TWNK: variants seen among roughly 807,000 people sequenced by gnomAD.
TWNK encodes twinkle mtDNA helicase, also known as T7 gp4-like protein with intramitochondrial nucleoid localization.
TWNK carries 36 observed loss-of-function variants against 58.2 expected under a neutral mutation model. That is an observed-to-expected ratio of 0.62 (90% CI 0.47 to 0.82). TWNK has a LOEUF of 0.82. TWNK is among the 40% of genes least tolerant of loss of function. The pLI, the probability that TWNK is intolerant of heterozygous loss-of-function variation, is 0.00. For synonymous variants in TWNK, 349 were observed against 348.5 expected, an observed-to-expected ratio of 1.00 and a Z score of -0.02; for missense variants, 714 against 881.0, an observed-to-expected ratio of 0.81 and a Z score of 2.40.
In TWNK at chr10:100,988,677, G is replaced by C; in HGVS notation, c.467G>C (p.Arg156Thr). 6.2e-7 allele frequency: 1 copy of C among 1,614,110 alleles called. No homozygotes were observed. Among genetic ancestry groups the C allele is most frequent in the Non-Finnish European group, 8.5e-7 (1 of 1,180,008 alleles). Reference sequence around the variant, plus strand: ...TTTGAGGACAGCGAGGAGGTCCGGAGGATCTGGAACCGAGCAATACCTCTC... The same window carrying C: ...TTTGAGGACAGCGAGGAGGTCCGGACGATCTGGAACCGAGCAATACCTCTC... ...PEFEDSEEVR[R>T]IWNRAIPLWE... is the part of the protein sequence containing the mutation. Residue 156 changes from arginine (R) to threonine (T), a missense_variant, in exon 1 of 5, where the codon AGG becomes ACG. Physicochemically the swap from Arg to Thr is moderately conservative, Grantham distance 71. Coordinates refer to ENST00000311916, the MANE Select transcript of TWNK (RefSeq NM_021830.5). The surrounding 1 kb of genome is among the most constrained non-coding windows in gnomAD (Gnocchi z 5.2).
At chr10:100,990,367 G>A in intron 2 of TWNK, 69 bp from the exon 3 acceptor site, 1 of 1,104,730 alleles carries the variant, frequency 9.1e-7, no homozygotes, top group Non-Finnish European at 1.4e-6. Flanking sequence ...GAGTTTTCAG[G>A]ATGCTAGTTC....
chr10:100,987,705 G>A lies in TWNK; in HGVS notation c.-506G>A, dbSNP rs191636076. 8.9e-5 allele frequency: 53 copies of A among 592,578 alleles called. No homozygotes were observed. Among genetic ancestry groups the A allele is most frequent in the Middle Eastern group, 4.5e-4 (1 of 2,238 alleles). 36.7% of individuals were successfully genotyped at this position (592,578 alleles called of 1,614,324 possible). ...AGGATAGAGACTGGCATTCCTTTGGGCCGGGGGATTGGCGGGAGTCGTGCT... is the reference window on the plus strand; with the variant it reads ...AGGATAGAGACTGGCATTCCTTTGGACCGGGGGATTGGCGGGAGTCGTGCT... On this transcript the variant is annotated 5_prime_UTR_variant, in exon 1 of 5. Coordinates refer to ENST00000311916, the MANE Select transcript of TWNK (RefSeq NM_021830.5).
At position 100,988,095 on chromosome 10, in the gene TWNK, C is replaced by T; in HGVS notation, c.-116C>T. The T allele has an allele frequency of 1.7e-6, 2 of 1,193,568 alleles. No individual in the cohort carries two copies. The highest frequency in any genetic ancestry group is 2.5e-6 in the Non-Finnish European group (2 of 801,062). 73.9% of individuals were successfully genotyped at this position (1,193,568 alleles called of 1,614,324 possible). On this transcript the variant is annotated 5_prime_UTR_variant, in exon 1 of 5. Coordinates refer to ENST00000311916, the MANE Select transcript of TWNK (RefSeq NM_021830.5). The surrounding 1 kb of genome is among the most constrained non-coding windows in gnomAD (Gnocchi z 5.2). The stretch of plus-strand genomic sequence containing the variant: ...AAATTCATGGAGAGAAAGAATGCAC[C>T]TAGAGTGAGCTCTGCAGAGTGCTGC...
In TWNK at chr10:100,988,532, A is replaced by G. The variant is rs1851651546; in HGVS notation, c.322A>G (p.Thr108Ala). Residue 108 changes from threonine to alanine, a missense_variant, in exon 1 of 5, where the codon ACA becomes GCA. By Grantham distance (58) the Thr-to-Ala change is moderately conservative. Transcript: ENST00000311916. This position sits in a 1 kb window ranked among gnomAD's most constrained non-coding sequence, Gnocchi z 5.2. ...TSFSLFIDKT[T>A]GHFLCMTSLA... Reference sequence around the variant, plus strand: ...CTTCAGCCTCTTCATTGACAAGACCACAGGCCACTTTCTCTGCATGACCAG... The same window carrying G: ...CTTCAGCCTCTTCATTGACAAGACCGCAGGCCACTTTCTCTGCATGACCAG... 2 of 1,614,012 alleles carry G rather than the reference A, an allele frequency of 1.2e-6. No homozygotes were observed. The highest frequency in any genetic ancestry group is 2.2e-5 in the South Asian group (2 of 91,092).
chr10:100,990,828 T>C (rs1030917229), intron 3 of TWNK, 41 bp from the exon 4 acceptor site: 3 of 1,610,886 alleles, frequency 1.9e-6, no homozygotes, highest in Non-Finnish European at 2.5e-6. Flanking sequence ...TTCTTGTCCT[T>C]CTGTGTCTGA....
At chr10:100,990,286 C>T in intron 2 of TWNK, 150 bp from the exon 3 acceptor site, 1 of 743,708 alleles carries the variant, frequency 1.3e-6, no homozygotes, top group Non-Finnish European at 2.4e-6. Context: ...GCACTCCAGC[C>T]TGGGCTACAG....
At chr10:100,991,965 G>A (rs576035090) in intron 4 of TWNK, among the ~76,000 whole-genome samples, 26 of 150,580 alleles carry the variant, frequency 1.7e-4, no homozygotes, top group Non-Finnish European at 2.7e-4. Flanking sequence ...TGCAGTGAGC[G>A]GAGATCGCGC....
In TWNK at chr10:100,989,547, G is replaced by A. The variant is rs906764567; in HGVS notation, c.1243+94G>A. The A allele has an allele frequency of 9.3e-6, 15 of 1,609,246 alleles. No individual in the cohort carries two copies. The African/African-American group carries it at 1.6e-4, about 17-fold the overall frequency. ...TGGGCCATGACAATGTTGAAAAGAA[G>A]GTTGGCCCTTTCCCCCCAGTTTTAA... On this transcript the variant is annotated intron_variant, in intron 1 of 4. Coordinates refer to ENST00000311916, the MANE Select transcript of TWNK (RefSeq NM_021830.5). This position sits in a 1 kb window ranked among gnomAD's most constrained non-coding sequence, Gnocchi z 7.6.
At position 100,993,378 on chromosome 10, in the gene TWNK, C is replaced by G; in HGVS notation, c.1923C>G (p.Ile641Met). ...PPKNKARLKK[I>M]KDDTGPVAKK... ...AGAACAAGGCCCGGCTCAAGAAGAT[C>G]AAGGATGACACTGGACCAGTGGCCA... is the stretch of plus-strand genomic sequence containing the variant. The change falls in exon 5 of 5, where the codon ATC (isoleucine) becomes ATG (methionine). Residue 641 changes from isoleucine (I) to methionine (M), a missense_variant. Physicochemically the swap from Ile to Met is conservative, Grantham distance 10. Coordinates refer to ENST00000311916, the MANE Select transcript of TWNK (RefSeq NM_021830.5). 1 of 1,614,202 alleles carries G rather than the reference C, an allele frequency of 6.2e-7. No homozygotes were observed. The highest frequency in any genetic ancestry group is 2.2e-5 in the East Asian group (1 of 44,888).
In TWNK at chr10:100,992,274, C is replaced by T. The variant is rs551269723; in HGVS notation, c.1735-916C>T. ...TGTCACCCAGGCTGGAGTGCAGTGG[C>T]GCGATCTCGGCTCACTGCAAGCTCC... On this transcript the variant is annotated intron_variant, in intron 4 of 4. Transcript: ENST00000311916. Among the ~76,000 whole-genome samples, 29 of 117,452 alleles carry T rather than the reference C, an allele frequency of 2.5e-4. 1 individual carries two copies. Among genetic ancestry groups the T allele is most frequent in the Admixed American group, 4.4e-4 (4 of 9,146 alleles). 77.1% of individuals were successfully genotyped at this position (117,452 alleles called of 152,430 possible). A position where few individuals can be genotyped will look rare whatever the true frequency, so the allele number is the denominator to read the frequency against.
At chr10:100,990,807 G>A in intron 3 of TWNK, 62 bp from the exon 4 acceptor site, 1 of 1,595,850 alleles carries the variant, frequency 6.3e-7, no homozygotes, top group Non-Finnish European at 8.6e-7. Flanking sequence ...TGGATCAAGA[G>A]TATGTGTATG....
At position 100,989,502 on chromosome 10, in the gene TWNK, G is replaced by T; in HGVS notation, c.1243+49G>T. ...TTAGAGTAAAGGGGCAGAAGATCAG[G>T]TGACAAAAGCAAGTGGGTTTGGGCC... On this transcript the variant is annotated intron_variant, in intron 1 of 4. Transcript: ENST00000311916. The surrounding 1 kb of genome is among the most constrained non-coding windows in gnomAD (Gnocchi z 7.6). 6.2e-7 allele frequency: 1 copy of T among 1,611,020 alleles called. No homozygotes were observed. The highest frequency in any genetic ancestry group is 8.5e-7 in the Non-Finnish European group (1 of 1,179,592).
rs1554887812 is a variant in TWNK at position 100,993,533 on chromosome 10, G to A, written c.*23G>A. 2 of 1,613,262 alleles carry A rather than the reference G, an allele frequency of 1.2e-6. No homozygotes were observed. Among genetic ancestry groups the A allele is most frequent in the African/African-American group, 1.3e-5 (1 of 75,032 alleles). On this transcript the variant is annotated 3_prime_UTR_variant, in exon 5 of 5. Transcript: ENST00000311916. ...TGAAGGCCGTGCAGAGCTGGTCACT[G>A]AAATGAGCCTGATAGGATAGGCTGG...
In TWNK at chr10:100,988,287, G is replaced by T. The variant is rs772221026; in HGVS notation, c.77G>T (p.Gly26Val). 6.5e-5 allele frequency: 105 copies of T among 1,607,480 alleles called. No individual in the cohort carries two copies. Among genetic ancestry groups the T allele is most frequent in the Non-Finnish European group, 8.4e-5 (99 of 1,178,520 alleles). Residue 26 changes from glycine (G) to valine (V), a missense_variant, in exon 1 of 5, where the codon GGC (glycine) becomes GTC (valine). Gly to Val is a moderately radical substitution (Grantham distance 109). Around this residue, in one of 3 missense-constraint regions of TWNK, gnomAD observed 348 missense variants for 388.4 expected, o/e 0.90. Transcript: ENST00000311916. This position sits in a 1 kb window ranked among gnomAD's most constrained non-coding sequence, Gnocchi z 5.2. Reference protein sequence around the residue: ...PLRGEWMGRRGLPRNLAPGPP... With the variant: ...PLRGEWMGRRVLPRNLAPGPP... ...CGTGGGGAGTGGATGGGTCGGAGGG[G>T]CCTGCCCCGAAACTTGGCCCCAGGC...
At chr10:100,991,975 C>T (rs1288492281) in intron 4 of TWNK, among the ~76,000 whole-genome samples, 1 of 150,158 alleles carries the variant, frequency 6.7e-6, no homozygotes, top group East Asian at 2.0e-4. Context: ...GGAGATCGCG[C>T]CACTGCACTC....
At chr10:100,991,966 GA>G (rs1265852574) in intron 4 of TWNK, among the ~76,000 whole-genome samples, 2 of 150,922 alleles carry the variant, frequency 1.3e-5, no homozygotes, top group African/African-American at 4.9e-5. Flanking sequence ...GCAGTGAGCG[GA>G]GATCGCGCCA....
rs917468121 is a variant in TWNK, at chr10:100,993,988, A to G, written c.*478A>G. ...GGCGAAGGGGACCCAGGCAGAGAGA[A>G]AAGGAAATCCAAGCCCTGAGGTAGG... On this transcript the variant is annotated 3_prime_UTR_variant, in exon 5 of 5. Coordinates refer to ENST00000311916, the MANE Select transcript of TWNK (RefSeq NM_021830.5). 5.6e-6 allele frequency: 1 copy of G among 180,070 alleles called. No individual in the cohort carries two copies. Among genetic ancestry groups the G allele is most frequent in the Admixed American group, 5.4e-5 (1 of 18,412 alleles). The allele number at this position is 180,070 out of a possible 1,614,324, so 11.2% of individuals were successfully genotyped here. A position where few individuals can be genotyped will look rare whatever the true frequency, so the allele number is the denominator to read the frequency against.
chr10:100,993,185 C>T lies in TWNK; in HGVS notation c.1735-5C>T. 1 of 1,614,108 alleles carries T rather than the reference C, an allele frequency of 6.2e-7. No individual in the cohort carries two copies. The highest frequency in any genetic ancestry group is 8.5e-7 in the Non-Finnish European group (1 of 1,180,016). On this transcript the variant is annotated splice_polypyrimidine_tract_variant and splice_region_variant and intron_variant, in intron 4 of 4. Coordinates refer to ENST00000311916, the MANE Select transcript of TWNK (RefSeq NM_021830.5). The stretch of plus-strand genomic sequence containing the variant: ...GCTTTCCTCCTTCTGCCCCCTGTTC[C>T]CCAGGCAAGCCAGGAAGCAGACAAT...
At position 100,988,226 on chromosome 10, in the gene TWNK, C is replaced by A. The variant is rs888409241; in HGVS notation, c.16C>A (p.Arg6=). ...TTGGCTAGGAATGTGGGTCCTCCTC[C>A]GAAGTGGGTACCCCCTCCGTATCTT... MWVLL[R]SGYPLRILLP... is the part of the protein sequence containing the mutation. The change falls in exon 1 of 5, where the codon CGA becomes AGA. Residue 6 remains arginine (R), a synonymous_variant. Coordinates refer to ENST00000311916, the MANE Select transcript of TWNK (RefSeq NM_021830.5). The surrounding 1 kb of genome is among the most constrained non-coding windows in gnomAD (Gnocchi z 5.2). 4.3e-6 allele frequency: 7 copies of A among 1,614,036 alleles called. No individual in the cohort carries two copies. The highest frequency in any genetic ancestry group is 4.0e-5 in the African/African-American group (3 of 74,942).
Sources: allele counts gnomAD v4.1 joint callset (sites outside exome capture counted in the v4.1 genomes callset), GRCh38; gene constraint gnomAD v4.1.1; regional missense constraint gnomAD v4.1.1; non-coding constraint Gnocchi (gnomAD v3.1); transcripts MANE v1.5; gene names NCBI Gene and HGNC (gene_info 2026-07-23, HGNC 2026-07-21).